STK33: variants seen among roughly 807,000 people sequenced by gnomAD.
STK33 encodes the protein serine/threonine-protein kinase 33.
STK33 carries 52 observed loss-of-function variants against 58.0 expected under a neutral mutation model. The ratio of observed to expected loss-of-function variants is 0.90; its 90% CI spans 0.72 to 1.13. The LOEUF is 1.13. Among genes scored for constraint, STK33 ranks in the 50% most tolerant of loss-of-function variants. The probability of loss-of-function intolerance (pLI) is 0.00; values close to 1 mark genes in which losing one functional copy is unlikely to be tolerated. For synonymous variants in STK33, 215 were observed against 200.1 expected, an observed-to-expected ratio of 1.07 and a Z score of -0.63; for missense variants, 630 against 604.2, an observed-to-expected ratio of 1.04 and a Z score of -0.45.
chr11:8,376,490 C>G, the STK33 span, among the ~76,000 whole-genome samples: 1 of 152,104 alleles, frequency 6.6e-6, no homozygotes, highest in Admixed American at 6.5e-5. Context: ...GGTCTGATCT[C>G]TGCAAGTGGA....
intron 1 of STK33, among the ~76,000 whole-genome samples, chr11:8,534,224 A>C (rs1954779723): frequency 6.6e-6 from 1 of 151,954 alleles, no homozygotes; most frequent in African/African-American, 2.4e-5. Context: ...GCAGTGAGCC[A>C]AGATCGCACC....
intron 11 of STK33, among the ~76,000 whole-genome samples, chr11:8,447,552 T>A (rs528024828): frequency 7.2e-5 from 11 of 152,274 alleles, no homozygotes; most frequent in South Asian, 6.2e-4. Context: ...ATTATCTCAA[T>A]AGATGCAGAA....
At chr11:8,524,906 T>G (rs560314858) in intron 1 of STK33, among the ~76,000 whole-genome samples, 1 of 152,100 alleles carries the variant, frequency 6.6e-6, no homozygotes, top group Non-Finnish European at 1.5e-5. Context: ...GGGATAGATA[T>G]GTTTATAGCA....
the STK33 span, among the ~76,000 whole-genome samples, chr11:8,364,072 C>T: frequency 6.6e-6 from 1 of 152,174 alleles, no homozygotes; most frequent in Non-Finnish European, 1.5e-5. Context: ...CTGGAAGTTC[C>T]TTCGGTGTGA....
chr11:8,443,470 G>A (rs1945020379), intron 11 of STK33, among the ~76,000 whole-genome samples: 1 of 152,220 alleles, frequency 6.6e-6, no homozygotes, highest in African/African-American at 2.4e-5. Context: ...TGCATTCCAT[G>A]CATTTCAAAC....
chr11:8,389,157 G>T (rs1174617363), downstream of STK33, among the ~76,000 whole-genome samples: 1 of 152,230 alleles, frequency 6.6e-6, no homozygotes, highest in African/African-American at 2.4e-5. Context: ...ACCCACAAAG[G>T]AAGACATAGT....
intron 15 of STK33, among the ~76,000 whole-genome samples, chr11:8,400,237 A>C (rs985863120): frequency 3.9e-5 from 6 of 152,292 alleles, no homozygotes; most frequent in Admixed American, 2.6e-4. Context: ...ACTGGCAAAC[A>C]GAATCCAGCA....
intron 11 of STK33, among the ~76,000 whole-genome samples, chr11:8,446,135 A>G (rs941604966): frequency 1.3e-5 from 2 of 151,902 alleles, no homozygotes; most frequent in African/African-American, 2.4e-5. Flanking sequence ...AAATTTATCT[A>G]TTTCTTCTAG....
In STK33 at chr11:8,523,515, T is replaced by C. The variant is rs923101662; in HGVS notation, c.-465-42901A>G. On this transcript the variant is annotated intron_variant, in intron 1 of 15. Coordinates refer to ENST00000687296, the MANE Select transcript of STK33 (RefSeq NM_001352389.2). ...TCTGAGAAGCGAGGAGCCCCTCCGC[T>C]GGGCAGCCGCCCCGTCTGGGAAGCG... Among the ~76,000 whole-genome samples, 9 of 147,530 alleles carry C rather than the reference T, an allele frequency of 6.1e-5. No homozygotes were observed. In the South Asian group the frequency reaches 1.1e-3, roughly 18 times the overall value.
chr11:8,590,551 G>A (rs2032436619), intron 1 of STK33, among the ~76,000 whole-genome samples: 1 of 152,078 alleles, frequency 6.6e-6, no homozygotes, highest in Non-Finnish European at 1.5e-5. Context: ...GGTTAAGAAA[G>A]ATAATTAGTC....
chr11:8,456,639 C>T (rs1221282942), intron 9 of STK33, among the ~76,000 whole-genome samples: 2 of 152,096 alleles, frequency 1.3e-5, no homozygotes, highest in African/African-American at 4.8e-5. Context: ...CACATGTAAG[C>T]CAAACTAACC....
intron 1 of STK33, among the ~76,000 whole-genome samples, chr11:8,565,200 G>A (rs945143139): frequency 1.2e-4 from 18 of 152,208 alleles, no homozygotes; most frequent in African/African-American, 3.9e-4. Context: ...AGATGGATTC[G>A]CCACCATCTA....
At chr11:8,356,916 C>G in the STK33 span, among the ~76,000 whole-genome samples, 1 of 152,186 alleles carries the variant, frequency 6.6e-6, no homozygotes, top group African/African-American at 2.4e-5. Context: ...GAGACAGGAG[C>G]CTGACCCCAA....
At chr11:8,583,154 T>C (rs1473269610) in intron 1 of STK33, among the ~76,000 whole-genome samples, 1 of 152,208 alleles carries the variant, frequency 6.6e-6, no homozygotes, top group Non-Finnish European at 1.5e-5. Context: ...CGTCTAGTCC[T>C]TCTTTAACAG....
intron 8 of STK33, among the ~76,000 whole-genome samples, chr11:8,457,922 T>A (rs1947072464): frequency 6.6e-6 from 1 of 152,294 alleles, no homozygotes; most frequent in East Asian, 1.9e-4. Flanking sequence ...AATCTCAGTG[T>A]TAATAACATG....
At chr11:8,489,944 T>C (rs973597879) in intron 1 of STK33, among the ~76,000 whole-genome samples, 1 of 151,840 alleles carries the variant, frequency 6.6e-6, no homozygotes, top group Non-Finnish European at 1.5e-5. Flanking sequence ...CAACACAGGA[T>C]CCCATTCCAA....
intron 14 of STK33, among the ~76,000 whole-genome samples, chr11:8,417,132 C>T (rs1426605714): frequency 6.6e-6 from 1 of 152,126 alleles, no homozygotes; most frequent in Non-Finnish European, 1.5e-5. Flanking sequence ...AACCTCTGAA[C>T]TCCTTTTACT....
intron 1 of STK33, among the ~76,000 whole-genome samples, chr11:8,523,479 C>A (rs1211529264): frequency 6.6e-6 from 1 of 151,342 alleles, no homozygotes. Flanking sequence ...CTCCACCCGG[C>A]GGCCGCCCTG....
chr11:8,575,642 T>C (rs1958128941), intron 1 of STK33, among the ~76,000 whole-genome samples: 1 of 151,904 alleles, frequency 6.6e-6, no homozygotes, highest in Admixed American at 6.6e-5. Flanking sequence ...CTGTTTGGGG[T>C]GTTGAAAATT....
Sources: allele counts gnomAD v4.1 joint callset (sites outside exome capture counted in the v4.1 genomes callset), GRCh38; gene constraint gnomAD v4.1.1; transcripts MANE v1.5; gene names NCBI Gene and HGNC (gene_info 2026-07-23, HGNC 2026-07-21).